Variants in GAB4 observed in about 807,000 individuals in gnomAD.
The protein encoded by GAB4 is GRB2 associated binding protein family member 4, also known as GRB2-associated-binding protein 4.
GAB4 carries 26 observed loss-of-function variants against 51.3 expected under a neutral mutation model. That is an observed-to-expected ratio of 0.51 (90% CI 0.37 to 0.70). The LOEUF is 0.70. Ranked by LOEUF, GAB4 falls within the 30% of genes least tolerant of loss-of-function variation. The pLI is 0.00. For missense variants in GAB4, 759 were observed against 734.6 expected (o/e 1.03, Z -0.38); for synonymous variants, 329 against 291.2 (o/e 1.13, Z -1.32).
intron 9 of GAB4, among the ~76,000 whole-genome samples, chr22:16,963,216 A>AG (rs2060643481): frequency 6.6e-6 from 1 of 152,096 alleles, no homozygotes; most frequent in Non-Finnish European, 1.5e-5. Context: ...AGGCCTTTCC[A>AG]GGGGTGCCCT....
chr22:16,986,254 C>A (rs57256936), intron 3 of GAB4, among the ~76,000 whole-genome samples: 2,110 of 152,258 alleles, frequency 0.014, 48 homozygotes, highest in African/African-American at 0.049. Context: ...AGGACCCACC[C>A]TAGGTTCGCT....
chr22:16,969,480 T>A, intron 4 of GAB4: 1 of 460,108 alleles, frequency 2.2e-6, no homozygotes, highest in African/African-American at 2.0e-5. Context: ...AGGCAGGAGA[T>A]GAACTTGACT....
chr22:16,968,259 C>G (rs376564792), intron 5 of GAB4, 39 bp downstream of exon 5: 52 of 1,420,120 alleles, frequency 3.7e-5, no homozygotes, highest in Non-Finnish European at 5.1e-5. Flanking sequence ...CTTTACCTCC[C>G]TGAGCCAGTC....
intron 3 of GAB4, among the ~76,000 whole-genome samples, chr22:16,974,236 T>A (rs763449689): frequency 3.3e-5 from 5 of 152,234 alleles, no homozygotes; most frequent in Non-Finnish European, 5.9e-5. Flanking sequence ...AGCAGTGGAT[T>A]TGGAGAGACG....
intron 6 of GAB4, among the ~76,000 whole-genome samples, 200 bp from the exon 7 acceptor site, chr22:16,965,468 G>A (rs1054411533): frequency 2.6e-5 from 4 of 152,162 alleles, no homozygotes; most frequent in Non-Finnish European, 5.9e-5. Flanking sequence ...TCAGATTCCA[G>A]ATCGTATGCT....
At chr22:16,992,374 T>C (rs550897754) in intron 1 of GAB4, among the ~76,000 whole-genome samples, 198 bp from the exon 2 acceptor site, 169 of 152,192 alleles carry the variant, frequency 1.1e-3, no homozygotes, top group Non-Finnish European at 2.1e-3. Context: ...CAACAGAGTC[T>C]CATCACTACA....
intron 3 of GAB4, among the ~76,000 whole-genome samples, chr22:16,971,101 G>A (rs889364797): frequency 1.3e-5 from 2 of 152,140 alleles, no homozygotes; most frequent in African/African-American, 4.8e-5. Context: ...GGCTGAGGTG[G>A]GAGTATGGCT....
At chr22:16,996,511 T>C (rs868711327) in intron 1 of GAB4, among the ~76,000 whole-genome samples, 11 of 151,844 alleles carry the variant, frequency 7.2e-5, no homozygotes, top group Admixed American at 3.9e-4. Context: ...AATTGTCAGA[T>C]TGACAAAGGT....
chr22:16,980,770 A>G (rs2060820793), intron 3 of GAB4, among the ~76,000 whole-genome samples: 1 of 152,216 alleles, frequency 6.6e-6, no homozygotes, highest in Non-Finnish European at 1.5e-5. Context: ...ATGCCCCTCA[A>G]TGATAGACTG....
chr22:16,982,969 C>T (rs1840645805), intron 3 of GAB4, among the ~76,000 whole-genome samples: 1 of 152,206 alleles, frequency 6.6e-6, no homozygotes, highest in Admixed American at 6.5e-5. Flanking sequence ...ATCCAGGGCT[C>T]AGGGCATAAA....
chr22:16,991,721 G>C, intron 2 of GAB4, 152 bp downstream of exon 2: 1 of 678,986 alleles, frequency 1.5e-6, no homozygotes. Flanking sequence ...TAGTGGTATC[G>C]AGGTGTCTGA....
chr22:16,979,020 TGG>T (rs1043662628), intron 3 of GAB4, among the ~76,000 whole-genome samples: 4 of 152,168 alleles, frequency 2.6e-5, no homozygotes, highest in African/African-American at 9.7e-5. Flanking sequence ...TAGGTATTGA[TGG>T]GATGTATCTC....
intron 1 of GAB4, among the ~76,000 whole-genome samples, chr22:17,004,125 A>AGAAGT (rs1255149302): frequency 6.6e-6 from 1 of 152,244 alleles, no homozygotes; most frequent in African/African-American, 2.4e-5. Flanking sequence ...TAAACCAGGA[A>AGAAGT]GAAGTCAAAT....
chr22:16,987,959 C>T lies in GAB4; in HGVS notation c.686+1G>A, dbSNP rs200250480. 2.5e-6 allele frequency: 4 copies of T among 1,594,426 alleles called. No homozygotes were observed. The highest frequency in any genetic ancestry group is 2.3e-5 in the South Asian group (2 of 88,106). ...CCCCACTGGCCATAGTAGCCCCCTA[C>T]CTTGCATGTTCTGCTCTCTGGCTGG... is the stretch of plus-strand genomic sequence containing the variant. On this transcript the variant is annotated splice_donor_variant, in intron 3 of 9. Coordinates refer to ENST00000400588, the MANE Select transcript of GAB4 (RefSeq NM_001037814.1). LOFTEE classifies it high-confidence loss of function.
intron 1 of GAB4, among the ~76,000 whole-genome samples, chr22:16,997,822 A>G (rs1001355104): frequency 1.3e-5 from 2 of 151,436 alleles, no homozygotes; most frequent in Admixed American, 1.3e-4. Flanking sequence ...TAATTTTTGT[A>G]TAAGGTACAA....
chr22:16,982,973 G>T (rs2123687670), intron 3 of GAB4, among the ~76,000 whole-genome samples: 1 of 152,306 alleles, frequency 6.6e-6, no homozygotes, highest in South Asian at 2.1e-4. Context: ...AGGGCTCAGG[G>T]CATAAAACCC....
chr22:16,975,524 A>C (rs191953900), intron 3 of GAB4, among the ~76,000 whole-genome samples: 1 of 152,228 alleles, frequency 6.6e-6, no homozygotes, highest in Non-Finnish European at 1.5e-5. Flanking sequence ...GGGTTTATAG[A>C]TAAAACCCCA....
intron 1 of GAB4, among the ~76,000 whole-genome samples, chr22:17,004,808 C>T (rs1310649756): frequency 2.0e-5 from 3 of 152,192 alleles, no homozygotes; most frequent in African/African-American, 2.4e-5. Flanking sequence ...AACACCCCTT[C>T]GTGCTAAAAA....
chr22:16,966,684 G>T (rs2060679259), intron 5 of GAB4: 1 of 310,012 alleles, frequency 3.2e-6, no homozygotes, highest in Non-Finnish European at 6.0e-6. Context: ...TAAGAGGAGA[G>T]AGGGTGGCAA....
Sources: allele counts gnomAD v4.1 joint callset (sites outside exome capture counted in the v4.1 genomes callset), GRCh38; gene constraint gnomAD v4.1.1; transcripts MANE v1.5; gene names NCBI Gene and HGNC (gene_info 2026-07-23, HGNC 2026-07-21).